Variants in GABRA5 observed in about 807,000 individuals in gnomAD.
GABRA5 encodes the protein gamma-aminobutyric acid receptor subunit alpha-5.
Under a neutral mutation model 47.3 loss-of-function variants are expected in GABRA5, and 18 were observed. That is an observed-to-expected ratio of 0.38 (90% confidence interval 0.26 to 0.56). The LOEUF is 0.56. Among genes scored for constraint, GABRA5 ranks in the 20% least tolerant of loss-of-function variants. The pLI, the probability that GABRA5 is intolerant of heterozygous loss-of-function variation, is 0.71. For missense variants in GABRA5, 365 were observed against 599.3 expected (o/e 0.61, Z 4.08); for synonymous variants, 237 against 229.3 (o/e 1.03, Z -0.30).
chr15:26,923,990 G>A (rs1441414703), intron 7 of GABRA5, among the ~76,000 whole-genome samples: 2 of 151,672 alleles, frequency 1.3e-5, no homozygotes, highest in African/African-American at 4.8e-5. Context: ...TTTGTACTTG[G>A]TCGTTGCATC....
chr15:26,929,292 G>A (rs1240532843), intron 7 of GABRA5, among the ~76,000 whole-genome samples: 1 of 152,302 alleles, frequency 6.6e-6, no homozygotes, highest in Admixed American at 6.5e-5. Context: ...ATTCCAAAAG[G>A]AAGAAGTGAG....
chr15:26,944,908 G>A (rs942442165), intron 10 of GABRA5, among the ~76,000 whole-genome samples: 2 of 152,128 alleles, frequency 1.3e-5, no homozygotes, highest in African/African-American at 4.8e-5. Context: ...GTGAGCCCCC[G>A]GGTGAATGGA....
chr15:26,897,801 A>G (rs183362495), intron 6 of GABRA5, among the ~76,000 whole-genome samples: 1 of 152,018 alleles, frequency 6.6e-6, no homozygotes, highest in Non-Finnish European at 1.5e-5. Flanking sequence ...AAAGAAGTAG[A>G]CCAGTCAACA....
chr15:26,948,538 T>C lies in GABRA5; in HGVS notation c.*305T>C. The C allele has an allele frequency of 3.5e-6, 1 of 285,446 alleles. No homozygotes were observed. Among genetic ancestry groups the C allele is most frequent in the Non-Finnish European group, 6.6e-6 (1 of 152,130 alleles). The allele number at this position is 285,446 out of a possible 1,614,324, so 17.7% of individuals were successfully genotyped here. A position where few individuals can be genotyped will look rare whatever the true frequency, so the allele number is the denominator to read the frequency against. ...CAAGATACGTATATTTTTAACTGCT[T>C]CAAGTGTTACCTAACAATGTTTTTT... On this transcript the variant is annotated 3_prime_UTR_variant, in exon 11 of 11. Transcript: ENST00000335625.
chr15:26,918,958 G>T (rs943900126), intron 7 of GABRA5, among the ~76,000 whole-genome samples: 5 of 152,008 alleles, frequency 3.3e-5, no homozygotes, highest in Admixed American at 3.3e-4. Context: ...GGGCAATGTG[G>T]GAAAACACCA....
intron 6 of GABRA5, among the ~76,000 whole-genome samples, chr15:26,912,377 A>G (rs1403645416): frequency 6.6e-6 from 1 of 152,238 alleles, no homozygotes; most frequent in African/African-American, 2.4e-5. Context: ...CAAATTTGCT[A>G]ACAACCATAT....
intron 7 of GABRA5, among the ~76,000 whole-genome samples, chr15:26,935,712 A>C (rs1222888993): frequency 6.6e-6 from 1 of 152,204 alleles, no homozygotes; most frequent in Non-Finnish European, 1.5e-5. Flanking sequence ...AGGCCTTTGC[A>C]GGAGGCCTCT....
intron 7 of GABRA5, among the ~76,000 whole-genome samples, chr15:26,934,877 A>G (rs1464166505): frequency 1.3e-5 from 2 of 152,232 alleles, no homozygotes; most frequent in Non-Finnish European, 2.9e-5. Flanking sequence ...ACTCAGGGGA[A>G]GAAGCCTGAA....
chr15:26,884,950 C>T (rs1892838375), intron 6 of GABRA5, among the ~76,000 whole-genome samples: 1 of 152,160 alleles, frequency 6.6e-6, no homozygotes, highest in African/African-American at 2.4e-5. Flanking sequence ...CCCTCAGACC[C>T]TACCTTCTGT....
At position 26,883,114 on chromosome 15, in the gene GABRA5, C is replaced by T; in HGVS notation, c.209-52C>T. ...CTGGACTGAGAGCACGAGAGTGTGCCAGACGCGCAGGGTGGGTCGGTGCAG... is the reference window on the plus strand; with the variant it reads ...CTGGACTGAGAGCACGAGAGTGTGCTAGACGCGCAGGGTGGGTCGGTGCAG... On this transcript the variant is annotated intron_variant, in intron 4 of 10. Coordinates refer to ENST00000335625, the MANE Select transcript of GABRA5 (RefSeq NM_000810.4). The surrounding 1 kb of genome is among the most constrained non-coding windows in gnomAD (Gnocchi z 4.8). 2 of 1,455,904 alleles carry T rather than the reference C, an allele frequency of 1.4e-6. No homozygotes were observed. The highest frequency in any genetic ancestry group is 1.9e-6 in the Non-Finnish European group (2 of 1,035,542). 90.2% of individuals were successfully genotyped at this position (1,455,904 alleles called of 1,614,324 possible).
At chr15:26,890,068 T>C (rs1429494796) in intron 6 of GABRA5, among the ~76,000 whole-genome samples, 1 of 152,248 alleles carries the variant, frequency 6.6e-6, no homozygotes, top group Non-Finnish European at 1.5e-5. Context: ...TCCCATCATG[T>C]GGTTATCCTG....
At chr15:26,914,324 T>C (rs1201090024) in intron 6 of GABRA5, among the ~76,000 whole-genome samples, 1 of 152,188 alleles carries the variant, frequency 6.6e-6, no homozygotes, top group African/African-American at 2.4e-5. Context: ...CGTGAAGTTA[T>C]AAGTGAAATA....
At chr15:26,938,728 G>A (rs1434272931) in intron 8 of GABRA5, among the ~76,000 whole-genome samples, 2 of 152,216 alleles carry the variant, frequency 1.3e-5, no homozygotes, top group Non-Finnish European at 2.9e-5. Context: ...TGGGGAAAGT[G>A]CACCTTTGCA....
intron 7 of GABRA5, among the ~76,000 whole-genome samples, chr15:26,918,949 G>A (rs1430138737): frequency 2.6e-5 from 4 of 152,004 alleles, no homozygotes; most frequent in African/African-American, 7.3e-5. Context: ...GACCAGCCTG[G>A]GCAATGTGGG....
Position 26,893,755 on chromosome 15 carries a change from C to T in GABRA5, c.497+10198C>T, listed in dbSNP as rs374688409. Among the ~76,000 whole-genome samples the T allele has an allele frequency of 7.2e-5, 11 of 152,090 alleles. No individual in the cohort carries two copies. The South Asian group carries it at 1.7e-3, about 23-fold the overall frequency. On this transcript the variant is annotated intron_variant, in intron 6 of 10. Coordinates refer to ENST00000335625, the MANE Select transcript of GABRA5 (RefSeq NM_000810.4). ...GTCTGGGGGTGAGGGGAGCAGGGCC[C>T]GGCGACCAGGCGGTGGGCACGGAGT...
intron 7 of GABRA5, among the ~76,000 whole-genome samples, chr15:26,919,699 G>C (rs1343114508): frequency 6.6e-6 from 1 of 152,036 alleles, no homozygotes; most frequent in Non-Finnish European, 1.5e-5. Context: ...ACAAATACCT[G>C]TGTAAATACC....
intron 6 of GABRA5, among the ~76,000 whole-genome samples, chr15:26,901,586 T>C (rs1333269664): frequency 6.6e-6 from 1 of 152,160 alleles, no homozygotes; most frequent in African/African-American, 2.4e-5. Context: ...TCTGCAAATA[T>C]TTTCTCCTAC....
intron 9 of GABRA5, 55 bp downstream of exon 9, chr15:26,940,132 AC>A (rs1894350937): frequency 6.6e-7 from 1 of 1,505,926 alleles, no homozygotes; most frequent in African/African-American, 1.4e-5. Flanking sequence ...GACCCTAACC[AC>A]CCGGAAGCAA....
intron 6 of GABRA5, among the ~76,000 whole-genome samples, chr15:26,895,724 A>T (rs1411493955): frequency 6.6e-6 from 1 of 151,292 alleles, no homozygotes; most frequent in African/African-American, 2.4e-5. Flanking sequence ...GAGGCAGGAG[A>T]ATCGCTTGAA....
Sources: allele counts gnomAD v4.1 joint callset (sites outside exome capture counted in the v4.1 genomes callset), GRCh38; gene constraint gnomAD v4.1.1; non-coding constraint Gnocchi (gnomAD v3.1); transcripts MANE v1.5; gene names NCBI Gene and HGNC (gene_info 2026-07-23, HGNC 2026-07-21).